TCF12: variants seen among roughly 807,000 people sequenced by gnomAD.
TCF12 encodes transcription factor 12.
TCF12 carries 45 observed loss-of-function variants against 86.0 expected under a neutral mutation model. The ratio of observed to expected loss-of-function variants is 0.52; its 90% confidence interval spans 0.41 to 0.67. The LOEUF (loss-of-function observed/expected upper bound fraction) is 0.67. Ranked by LOEUF, TCF12 falls within the 30% of genes least tolerant of loss-of-function variation. TCF12 has a pLI of 0.00. For synonymous variants in TCF12, 330 were observed against 299.6 expected (o/e 1.10, Z -1.05); for missense variants, 881 against 859.9 (o/e 1.02, Z -0.31).
At chr15:57,059,898 A>G (rs2068331401) in intron 3 of TCF12, among the ~76,000 whole-genome samples, 1 of 151,998 alleles carries the variant, frequency 6.6e-6, no homozygotes, top group South Asian at 2.1e-4. Context: ...GATGAAAGGG[A>G]AGAAGTAGGA....
chr15:57,048,266 T>C (rs1173793154), intron 3 of TCF12, among the ~76,000 whole-genome samples: 4 of 152,120 alleles, frequency 2.6e-5, no homozygotes, highest in African/African-American at 7.2e-5. Flanking sequence ...TTTGTTTTGT[T>C]TTGTTTTGTT....
chr15:57,258,276 T>C (rs1477293067), intron 16 of TCF12, among the ~76,000 whole-genome samples: 1 of 152,074 alleles, frequency 6.6e-6, no homozygotes, highest in African/African-American at 2.4e-5. Flanking sequence ...TGAGACCCTG[T>C]ATCAATTTAA....
intron 5 of TCF12, among the ~76,000 whole-genome samples, chr15:57,150,952 C>A (rs952174710): frequency 1.9e-4 from 26 of 140,484 alleles, no homozygotes; most frequent in Non-Finnish European, 3.0e-4. Context: ...CCTTCCCCTC[C>A]CCTTTTCCTT....
chr15:57,136,933 T>C (rs1423665126), intron 5 of TCF12, among the ~76,000 whole-genome samples: 9 of 135,214 alleles, frequency 6.7e-5, no homozygotes, highest in African/African-American at 1.4e-4. Flanking sequence ...TCACAGACAA[T>C]AGACAATAGC....
chr15:57,197,880 C>T lies in TCF12; in HGVS notation c.579+55C>T, dbSNP rs191161655. 5.1e-6 allele frequency: 8 copies of T among 1,559,558 alleles called. No individual in the cohort carries two copies. In the African/African-American group the frequency reaches 5.4e-5, roughly 11 times the overall value. Reference sequence around the variant, plus strand: ...GTAAACAAACTGATTTCAAGTGTTCCGTATTACCTTGCTACAAGGGTACAT... The same window carrying T: ...GTAAACAAACTGATTTCAAGTGTTCTGTATTACCTTGCTACAAGGGTACAT... On this transcript the variant is annotated intron_variant, in intron 8 of 20. Coordinates refer to ENST00000333725, the MANE Select transcript of TCF12 (RefSeq NM_207037.2).
At chr15:57,154,243 A>T (rs2053965234) in intron 5 of TCF12, among the ~76,000 whole-genome samples, 1 of 152,158 alleles carries the variant, frequency 6.6e-6, no homozygotes. Flanking sequence ...TCGCTAGATG[A>T]AAACATTTAA....
intron 3 of TCF12, among the ~76,000 whole-genome samples, chr15:57,046,237 A>G (rs2067224387): frequency 6.6e-6 from 1 of 152,214 alleles, no homozygotes; most frequent in African/African-American, 2.4e-5. Context: ...TCACATAGCT[A>G]GCAAATATCA....
chr15:57,104,504 C>T (rs1456813912), intron 5 of TCF12, among the ~76,000 whole-genome samples: 2 of 128,810 alleles, frequency 1.6e-5, no homozygotes, highest in African/African-American at 2.9e-5. Flanking sequence ...TGCAGTGGAG[C>T]GATCTCGGCT....
At chr15:57,103,326 GAAGA>G (rs1397307080) in intron 5 of TCF12, among the ~76,000 whole-genome samples, 6 of 152,136 alleles carry the variant, frequency 3.9e-5, no homozygotes, top group African/African-American at 1.4e-4. Context: ...GTTAGTATTT[GAAGA>G]ATTTTCTGAG....
At chr15:57,243,446 A>G in intron 12 of TCF12, 26 bp from the exon 13 acceptor site, 1 of 1,590,700 alleles carries the variant, frequency 6.3e-7, no homozygotes. Flanking sequence ...ATGTTGATAC[A>G]TGTATATTTC....
chr15:57,074,678 G>A (rs1422791295), intron 4 of TCF12, among the ~76,000 whole-genome samples: 2 of 152,124 alleles, frequency 1.3e-5, no homozygotes, highest in East Asian at 1.9e-4. Flanking sequence ...TGAACTTTTG[G>A]AAAGTTCACT....
chr15:57,240,918 G>A (rs1327036215), intron 12 of TCF12, among the ~76,000 whole-genome samples: 2 of 144,372 alleles, frequency 1.4e-5, no homozygotes. Flanking sequence ...GAAAAGGTAT[G>A]TTGAAACATG....
intron 8 of TCF12, chr15:57,219,712 G>GTAGA (rs1223288867): frequency 2.1e-6 from 1 of 481,520 alleles, no homozygotes; most frequent in Non-Finnish European, 3.4e-6. Context: ...GTATTAGATT[G>GTAGA]TAGATTTCTT....
chr15:57,146,185 T>C (rs1471719932), intron 5 of TCF12, among the ~76,000 whole-genome samples: 2 of 152,204 alleles, frequency 1.3e-5, no homozygotes, highest in South Asian at 2.1e-4. Flanking sequence ...CTCAAACTCA[T>C]TAGTTGCCCC....
chr15:57,031,228 C>G (rs576661122), intron 3 of TCF12, among the ~76,000 whole-genome samples: 1 of 152,280 alleles, frequency 6.6e-6, no homozygotes, highest in South Asian at 2.1e-4. Context: ...AGAATGTTGG[C>G]TCCTGTCAAG....
chr15:57,010,155 C>T (rs1366346590), intron 3 of TCF12, among the ~76,000 whole-genome samples: 1 of 152,064 alleles, frequency 6.6e-6, no homozygotes, highest in Non-Finnish European at 1.5e-5. Flanking sequence ...CCAAAGTCCC[C>T]TCCCTTTTTT....
chr15:57,243,948 G>A (rs2059741427), intron 13 of TCF12, among the ~76,000 whole-genome samples: 1 of 151,998 alleles, frequency 6.6e-6, no homozygotes, highest in Non-Finnish European at 1.5e-5. Context: ...GTATGGTCTT[G>A]GCCCACTGCA....
chr15:56,996,411 A>G (rs1300888671), intron 3 of TCF12, among the ~76,000 whole-genome samples: 4 of 152,202 alleles, frequency 2.6e-5, no homozygotes, highest in East Asian at 1.9e-4. Context: ...TTCCTATTCA[A>G]TAAATGTTGC....
intron 3 of TCF12, among the ~76,000 whole-genome samples, chr15:57,012,377 A>G (rs1259040818): frequency 6.6e-6 from 1 of 152,192 alleles, no homozygotes; most frequent in Admixed American, 6.5e-5. Context: ...TTCAGTTAGA[A>G]CTGTTAGAGA....
Sources: gnomAD v4.1 joint callset for allele counts (sites outside exome capture counted in the v4.1 genomes callset) on GRCh38, gnomAD v4.1.1 for gene constraint, MANE v1.5 for transcripts, NCBI Gene and HGNC (gene_info 2026-07-23, HGNC 2026-07-21) for gene names.